Variants in PCDH15 observed in about 807,000 individuals in gnomAD.
PCDH15 encodes the protein protocadherin related 15, also known as protocadherin-15.
A neutral mutation model predicts 178.5 loss-of-function variants in PCDH15; 129 were observed. That is an observed-to-expected ratio of 0.72 (90% CI 0.63 to 0.84). PCDH15 has a LOEUF of 0.84. Among genes scored for constraint, PCDH15 ranks in the 40% least tolerant of loss-of-function variants. The probability of loss-of-function intolerance (pLI) is 0.00; values close to 1 mark genes in which losing one functional copy is unlikely to be tolerated. For missense variants in PCDH15, 2,230 were observed against 2,099.9 expected, an observed-to-expected ratio of 1.06 and a Z score of -1.21; for synonymous variants, 800 against 732.0, an observed-to-expected ratio of 1.09 and a Z score of -1.50.
At chr10:54,548,651 A>G (rs2086168994) in intron 2 of PCDH15, among the ~76,000 whole-genome samples, 1 of 147,012 alleles carries the variant, frequency 6.8e-6, no homozygotes, top group South Asian at 2.1e-4. Flanking sequence ...ATACTTATAT[A>G]AATATATATA....
At chr10:55,605,265 AC>A (rs1212040150) in intron 2 of PCDH15, among the ~76,000 whole-genome samples, 1 of 152,130 alleles carries the variant, frequency 6.6e-6, no homozygotes, top group Non-Finnish European at 1.5e-5. Flanking sequence ...TAGCTTACCA[AC>A]CAAAAAGAGT....
chr10:54,642,609 G>C (rs900832111), intron 2 of PCDH15, among the ~76,000 whole-genome samples: 4 of 152,120 alleles, frequency 2.6e-5, no homozygotes, highest in Non-Finnish European at 5.9e-5. Flanking sequence ...TGCATTATCA[G>C]CTATGCAATG....
chr10:53,841,194 T>C (rs1396503112), intron 28 of PCDH15, among the ~76,000 whole-genome samples: 2 of 152,192 alleles, frequency 1.3e-5, no homozygotes, highest in Admixed American at 1.3e-4. Flanking sequence ...GTATGAATTA[T>C]TACCATTTCC....
chr10:54,462,512 CTTTTTTTTTT>C (rs562731025), intron 3 of PCDH15, among the ~76,000 whole-genome samples: 1 of 66,888 alleles, frequency 1.5e-5, no homozygotes, highest in South Asian at 6.0e-4. Flanking sequence ...TTTTTCTTTT[CTTTTTTTTTT>C]TTTTTTTTTT....
intron 25 of PCDH15, among the ~76,000 whole-genome samples, chr10:53,937,810 C>A (rs2085708820): frequency 6.6e-6 from 1 of 152,102 alleles, no homozygotes; most frequent in Non-Finnish European, 1.5e-5. Flanking sequence ...TGGGTTCTTG[C>A]TTTATGCCTC....
chr10:54,837,835 G>A (rs1309683307), intron 3 of PCDH15, among the ~76,000 whole-genome samples: 1 of 152,064 alleles, frequency 6.6e-6, no homozygotes, highest in Non-Finnish European at 1.5e-5. Context: ...GAGAAAGCAA[G>A]TCGATACCCT....
intron 18 of PCDH15, among the ~76,000 whole-genome samples, chr10:54,055,428 C>CTGAGAACATTGTTTAATCTTTG (rs2093865054): frequency 6.6e-6 from 1 of 152,156 alleles, no homozygotes; most frequent in Non-Finnish European, 1.5e-5. Flanking sequence ...TTATACAATG[C>CTGAGAACATTGTTTAATCTTTG]TGAGAACATT....
At chr10:54,710,619 C>A (rs2095419094) in intron 1 of PCDH15, among the ~76,000 whole-genome samples, 1 of 151,912 alleles carries the variant, frequency 6.6e-6, no homozygotes, top group South Asian at 2.1e-4. Context: ...AGCTTTTGCT[C>A]CCACCCTTTG....
intron 13 of PCDH15, among the ~76,000 whole-genome samples, chr10:54,181,895 T>C (rs2048015868): frequency 6.6e-6 from 1 of 152,174 alleles, no homozygotes; most frequent in African/African-American, 2.4e-5. Flanking sequence ...TCTTAATTCA[T>C]AAATAAAAAA....
intron 1 of PCDH15, among the ~76,000 whole-genome samples, chr10:54,792,313 G>T (rs1027050143): frequency 6.6e-6 from 1 of 151,932 alleles, no homozygotes; most frequent in Non-Finnish European, 1.5e-5. Flanking sequence ...CAAGTAGGGA[G>T]CAGATTTTTC....
chr10:55,600,755 C>G (rs1843058678), intron 2 of PCDH15, among the ~76,000 whole-genome samples: 1 of 152,268 alleles, frequency 6.6e-6, no homozygotes, highest in South Asian at 2.1e-4. Flanking sequence ...AGGATTTTTA[C>G]ACAATATGCT....
At chr10:54,105,648 C>G (rs902226773) in intron 15 of PCDH15, among the ~76,000 whole-genome samples, 1 of 152,014 alleles carries the variant, frequency 6.6e-6, no homozygotes, top group Non-Finnish European at 1.5e-5. Flanking sequence ...TCCTAGCCCA[C>G]TAACTCAAAT....
At chr10:55,598,170 A>T (rs149128736) in intron 2 of PCDH15, among the ~76,000 whole-genome samples, 112 of 152,128 alleles carry the variant, frequency 7.4e-4, no homozygotes, top group African/African-American at 2.6e-3. Flanking sequence ...AGCTAATAAA[A>T]CTCGGCATAA....
At chr10:55,266,626 A>G (rs1842303349) in intron 1 of PCDH15, among the ~76,000 whole-genome samples, 1 of 152,160 alleles carries the variant, frequency 6.6e-6, no homozygotes, top group African/African-American at 2.4e-5. Context: ...GAGATTCACA[A>G]GCAGCTGGAG....
At chr10:55,524,150 T>C (rs1171322197) in intron 2 of PCDH15, among the ~76,000 whole-genome samples, 3 of 151,640 alleles carry the variant, frequency 2.0e-5, no homozygotes. Context: ...TGAAATCAGT[T>C]AAAGAACCTC....
intron 2 of PCDH15, among the ~76,000 whole-genome samples, chr10:54,631,236 G>A (rs116257807): frequency 0.027 from 4,164 of 152,118 alleles, 174 homozygotes; most frequent in African/African-American, 0.09. Flanking sequence ...ACTCTGCCAC[G>A]TGAGAGCCTT....
At chr10:55,390,026 G>A (rs1420242370) in intron 2 of PCDH15, among the ~76,000 whole-genome samples, 2 of 152,086 alleles carry the variant, frequency 1.3e-5, no homozygotes, top group Non-Finnish European at 2.9e-5. Flanking sequence ...CTGCATGTGA[G>A]ATGTTATTAC....
intron 8 of PCDH15, among the ~76,000 whole-genome samples, chr10:54,299,029 G>A (rs1279611273): frequency 6.6e-6 from 1 of 152,216 alleles, no homozygotes; most frequent in Non-Finnish European, 1.5e-5. Flanking sequence ...TGCATGCAGT[G>A]CAAAAACCCA....
intron 25 of PCDH15, among the ~76,000 whole-genome samples, chr10:53,926,620 G>T (rs77109241): frequency 6.6e-6 from 1 of 152,144 alleles, no homozygotes; most frequent in Admixed American, 6.5e-5. Flanking sequence ...CCAATTAGAA[G>T]AATTTTAAAT....
Sources: allele counts gnomAD v4.1 joint callset (sites outside exome capture counted in the v4.1 genomes callset), GRCh38; gene constraint gnomAD v4.1.1; transcripts MANE v1.5; gene names NCBI Gene and HGNC (gene_info 2026-07-23, HGNC 2026-07-21).